The following NELL2 variants were observed in gnomAD, a reference collection of about 807,000 sequenced individuals.
NELL2 encodes the protein neural EGFL like 2, also known as protein kinase C-binding protein NELL2.
A neutral mutation model predicts 109.6 loss-of-function variants in NELL2; 41 were observed. The observed-to-expected ratio is 0.37, with a 90% CI of 0.29 to 0.49. The LOEUF is 0.49. NELL2 is among the 20% of genes least tolerant of loss of function. The probability of loss-of-function intolerance (pLI) is 0.98; values close to 1 mark genes in which losing one functional copy is unlikely to be tolerated. For missense variants in NELL2, 900 were observed against 1,008.3 expected, an observed-to-expected ratio of 0.89 and a Z score of 1.45; for synonymous variants, 355 against 344.7, an observed-to-expected ratio of 1.03 and a Z score of -0.33.
At chr12:44,588,066 G>T (rs972297367) in intron 15 of NELL2, among the ~76,000 whole-genome samples, 3 of 151,930 alleles carry the variant, frequency 2.0e-5, no homozygotes, top group African/African-American at 7.3e-5. Flanking sequence ...CGGGAGAATG[G>T]TGTGAACCCG....
intron 1 of NELL2, 63 bp downstream of exon 1, chr12:44,875,752 A>G (rs1255080810): frequency 3.1e-6 from 5 of 1,611,106 alleles, no homozygotes; most frequent in Non-Finnish European, 3.4e-6. Flanking sequence ...TTCCCCAGCC[A>G]GCCCATGCTG....
chr12:44,546,890 T>C (rs1033984579), intron 15 of NELL2, among the ~76,000 whole-genome samples: 1 of 152,204 alleles, frequency 6.6e-6, no homozygotes, highest in Non-Finnish European at 1.5e-5. Flanking sequence ...TTTAATGTAA[T>C]AAAGGGAATA....
chr12:44,916,307 G>T (rs1945828523), upstream of NELL2, among the ~76,000 whole-genome samples: 1 of 152,058 alleles, frequency 6.6e-6, no homozygotes, highest in South Asian at 2.1e-4. Context: ...TAGTTTAAAG[G>T]CAAGAAAGTT....
intron 1 of NELL2, among the ~76,000 whole-genome samples, chr12:44,890,880 G>A (rs1945526143): frequency 1.3e-5 from 2 of 151,898 alleles, no homozygotes; most frequent in South Asian, 2.1e-4. Flanking sequence ...ACAGGCACCC[G>A]CCATCATGCC....
intron 3 of NELL2, 143 bp downstream of exon 3, chr12:44,815,843 T>C: frequency 4.9e-6 from 4 of 816,642 alleles, no homozygotes; most frequent in Non-Finnish European, 7.3e-6. Context: ...GGTCTTGAAC[T>C]CCTGACCTCG....
intron 13 of NELL2, among the ~76,000 whole-genome samples, chr12:44,641,630 A>T (rs1032828194): frequency 2.6e-5 from 4 of 151,210 alleles, no homozygotes; most frequent in African/African-American, 9.7e-5. Flanking sequence ...CCGAAAACCT[A>T]GTCAGTCATA....
At chr12:44,847,562 T>TG (rs1319243488) in intron 2 of NELL2, among the ~76,000 whole-genome samples, 49 of 44,600 alleles carry the variant, frequency 1.1e-3, no homozygotes, top group South Asian at 3.0e-3. Context: ...ACAGAAGAAA[T>TG]GGGGGAAAAA....
At chr12:44,835,439 A>G (rs756754452) in intron 2 of NELL2, among the ~76,000 whole-genome samples, 40 of 152,192 alleles carry the variant, frequency 2.6e-4, no homozygotes, top group Admixed American at 3.9e-4. Context: ...CCAGATGTGG[A>G]TGGGAGCTTT....
chr12:44,843,606 T>A (rs1002006040), intron 2 of NELL2, among the ~76,000 whole-genome samples: 14 of 152,246 alleles, frequency 9.2e-5, no homozygotes, highest in African/African-American at 3.4e-4. Flanking sequence ...TAACAAAATA[T>A]CTGAGACTGA....
chr12:44,806,585 T>C (rs917980957), intron 3 of NELL2, among the ~76,000 whole-genome samples: 3 of 151,844 alleles, frequency 2.0e-5, no homozygotes, highest in South Asian at 4.1e-4. Context: ...ACAGTGCATA[T>C]AGAAAATAGC....
At chr12:44,801,074 T>A (rs564993507) in intron 3 of NELL2, among the ~76,000 whole-genome samples, 4 of 152,230 alleles carry the variant, frequency 2.6e-5, no homozygotes, top group South Asian at 2.1e-4. Context: ...TTACAGAACA[T>A]CCCTAACTAG....
At chr12:44,745,203 C>T (rs1476850578) in intron 9 of NELL2, among the ~76,000 whole-genome samples, 2 of 151,550 alleles carry the variant, frequency 1.3e-5, no homozygotes, top group Non-Finnish European at 3.0e-5. Context: ...AGACAAAAAC[C>T]ATGATTATCT....
rs980068411 is a variant in NELL2 at position 44,595,576 on chromosome 12, G to A, written c.1663+11593C>T. Among the ~76,000 whole-genome samples, 6 of 149,058 alleles carry A rather than the reference G, an allele frequency of 4.0e-5. No individual in the cohort carries two copies. In the South Asian group the frequency reaches 8.4e-4, roughly 21 times the overall value. ...TGAGTAGCTGGGACTACAGGCGCCTGCCACCACACCCAGCTAATTTTTTTT... is the reference window on the plus strand; with the variant it reads ...TGAGTAGCTGGGACTACAGGCGCCTACCACCACACCCAGCTAATTTTTTTT... On this transcript the variant is annotated intron_variant, in intron 15 of 19. Transcript: ENST00000429094.
At position 44,862,523 on chromosome 12, in the gene NELL2, C is replaced by A. The variant is rs142095684; in HGVS notation, c.184+12702G>T. Among the ~76,000 whole-genome samples, 427 of 152,236 alleles carry A rather than the reference C, an allele frequency of 2.8e-3. 4 individuals are homozygous for A. Among genetic ancestry groups the A allele is most frequent in the Middle Eastern group, 0.024 (7 of 294 alleles). ...GATTCAAATAATTCTGATGTTAGTT[C>A]TGTTAATAAATAACTCTAAAAACAG... On this transcript the variant is annotated intron_variant, in intron 2 of 19. Coordinates refer to ENST00000429094, the MANE Select transcript of NELL2 (RefSeq NM_001145108.2).
intron 12 of NELL2, among the ~76,000 whole-genome samples, chr12:44,668,544 C>T (rs1398302963): frequency 6.6e-6 from 1 of 152,140 alleles, no homozygotes; most frequent in East Asian, 1.9e-4. Context: ...CCTGTCTCTC[C>T]TGCTGCCACC....
At chr12:44,539,129 C>T (rs1942427620) in intron 15 of NELL2, among the ~76,000 whole-genome samples, 1 of 152,146 alleles carries the variant, frequency 6.6e-6, no homozygotes, top group Non-Finnish European at 1.5e-5. Flanking sequence ...TATTTTGTAT[C>T]CTTGTAATAG....
rs755651432 is a variant in NELL2, at chr12:44,520,186, T to C, written c.2219A>G (p.Glu740Gly). 1 of 1,613,302 alleles carries C rather than the reference T, an allele frequency of 6.2e-7. No individual in the cohort carries two copies. Among genetic ancestry groups the C allele is most frequent in the East Asian group, 2.2e-5 (1 of 44,862 alleles). ...CTCTGGGAGAATGCTGAATTCACACTCCACATCTGGGCAAGGCAGGGGCCA... is the reference window on the plus strand; with the variant it reads ...CTCTGGGAGAATGCTGAATTCACACCCCACATCTGGGCAAGGCAGGGGCCA... ...DCWPLPCPDV[E>G]CEFSILPENE... Residue 740 changes from glutamate to glycine, a missense_variant, in exon 19 of 20, where the codon GAG becomes GGG. Physicochemically the swap from Glu to Gly is moderately conservative, Grantham distance 98. Coordinates refer to ENST00000429094, the MANE Select transcript of NELL2 (RefSeq NM_001145108.2).
chr12:44,806,529 T>G (rs1020351187), intron 3 of NELL2, among the ~76,000 whole-genome samples: 1 of 151,882 alleles, frequency 6.6e-6, no homozygotes. Flanking sequence ...CTTGAATCTA[T>G]ATCTATATAT....
intron 1 of NELL2, among the ~76,000 whole-genome samples, chr12:44,921,107 G>C (rs1945865096): frequency 6.6e-6 from 1 of 152,090 alleles, no homozygotes; most frequent in Non-Finnish European, 1.5e-5. Context: ...CCATGAGAGA[G>C]GCTGGAAGCA....
Sources: gnomAD v4.1 joint callset for allele counts (sites outside exome capture counted in the v4.1 genomes callset) on GRCh38, gnomAD v4.1.1 for gene constraint, MANE v1.5 for transcripts, NCBI Gene and HGNC (gene_info 2026-07-23, HGNC 2026-07-21) for gene names.